Variants in CLPB observed in about 807,000 individuals in gnomAD.
The protein encoded by CLPB is mitochondrial disaggregase.
Under a neutral mutation model 78.4 loss-of-function variants are expected in CLPB, and 40 were observed. The ratio of observed to expected loss-of-function variants is 0.51; its 90% confidence interval spans 0.40 to 0.66. CLPB has a LOEUF of 0.66. Among genes scored for constraint, CLPB ranks in the 30% least tolerant of loss-of-function variants. CLPB has a pLI of 0.00. For missense variants in CLPB, 780 were observed against 886.9 expected, an observed-to-expected ratio of 0.88 and a Z score of 1.53; for synonymous variants, 333 against 348.0, an observed-to-expected ratio of 0.96 and a Z score of 0.48.
intron 3 of CLPB, among the ~76,000 whole-genome samples, chr11:72,381,688 G>C (rs1854919885): frequency 6.6e-6 from 1 of 152,054 alleles, no homozygotes; most frequent in Non-Finnish European, 1.5e-5. Context: ...GCCTACACCA[G>C]CAGACCCAGC....
intron 2 of CLPB, among the ~76,000 whole-genome samples, chr11:72,414,056 T>C (rs182583144): frequency 4.5e-4 from 69 of 152,090 alleles, no homozygotes; most frequent in Non-Finnish European, 7.8e-4. Flanking sequence ...AGAGGCAGAG[T>C]GTGCCAGAAA....
At chr11:72,348,891 A>G (rs1950562375) in intron 5 of CLPB, among the ~76,000 whole-genome samples, 1 of 152,224 alleles carries the variant, frequency 6.6e-6, no homozygotes, top group Non-Finnish European at 1.5e-5. Context: ...AGTACCTCAG[A>G]TCCACATCCT....
At chr11:72,339,053 C>T (rs1228801356) in intron 5 of CLPB, among the ~76,000 whole-genome samples, 1 of 152,174 alleles carries the variant, frequency 6.6e-6, no homozygotes, top group East Asian at 1.9e-4. Flanking sequence ...AAGGAGTTTC[C>T]ACTGGCAGCA....
rs949476841 is a variant in CLPB at position 72,312,423 on chromosome 11, T to C, written c.989-3819A>G. On this transcript the variant is annotated intron_variant, in intron 7 of 15. Transcript: ENST00000538039. The surrounding 1 kb of genome is among the most constrained non-coding windows in gnomAD (Gnocchi z 4.2). ...GGCAGTGTAAGGTGTTTCATCTACC[T>C]GTGCCCTTGTGTCTGGCAGGGAGGG... 1.3e-5 allele frequency among the ~76,000 whole-genome samples: 2 copies of C among 152,234 alleles called. No individual in the cohort carries two copies. Among genetic ancestry groups the C allele is most frequent in the Non-Finnish European group, 2.9e-5 (2 of 68,044 alleles).
chr11:72,362,286 C>T (rs1950854837), intron 4 of CLPB, among the ~76,000 whole-genome samples: 1 of 152,164 alleles, frequency 6.6e-6, no homozygotes, highest in Non-Finnish European at 1.5e-5. Flanking sequence ...TCTCCCAATT[C>T]TAGTATTTAT....
At chr11:72,422,153 C>T (rs1856221534) in intron 2 of CLPB, among the ~76,000 whole-genome samples, 1 of 150,476 alleles carries the variant, frequency 6.6e-6, no homozygotes, top group African/African-American at 2.5e-5. Flanking sequence ...TGTAGTCCAG[C>T]AACTTGGGAG....
intron 2 of CLPB, among the ~76,000 whole-genome samples, chr11:72,404,456 C>G (rs944721768): frequency 6.6e-6 from 1 of 152,362 alleles, no homozygotes. Flanking sequence ...GTAACTAAGG[C>G]TTGAGAGGAT....
At chr11:72,298,355 C>T (rs1565421844) in intron 11 of CLPB, among the ~76,000 whole-genome samples, 1 of 152,220 alleles carries the variant, frequency 6.6e-6, no homozygotes, top group Non-Finnish European at 1.5e-5. Context: ...GCAGCACCGA[C>T]CACAGTGGAC....
chr11:72,428,129 A>G (rs1856440465), intron 2 of CLPB, among the ~76,000 whole-genome samples: 1 of 152,110 alleles, frequency 6.6e-6, no homozygotes, highest in Non-Finnish European at 1.5e-5. Flanking sequence ...CACCATCCCC[A>G]TCCCCCATCT....
chr11:72,376,275 G>T (rs1854695398), intron 4 of CLPB, among the ~76,000 whole-genome samples: 1 of 152,158 alleles, frequency 6.6e-6, no homozygotes, highest in Admixed American at 6.5e-5. Context: ...AGCTGGGTAT[G>T]GTGCCTTGCA....
intron 4 of CLPB, chr11:72,372,777 G>C (rs957432349): frequency 4.4e-6 from 3 of 687,706 alleles, no homozygotes; most frequent in Non-Finnish European, 7.8e-6. Context: ...CCAAGAGCAT[G>C]CATTCTCTCT....
chr11:72,334,146 C>A (rs921783766), intron 5 of CLPB, among the ~76,000 whole-genome samples: 2 of 152,178 alleles, frequency 1.3e-5, no homozygotes, highest in Admixed American at 1.3e-4. Context: ...TGTCAGTGAT[C>A]TATATTTGCT....
At chr11:72,401,274 C>A (rs1234929124) in intron 3 of CLPB, among the ~76,000 whole-genome samples, 1 of 152,010 alleles carries the variant, frequency 6.6e-6, no homozygotes, top group Non-Finnish European at 1.5e-5. Flanking sequence ...CCCATCTCTA[C>A]TAAAAATACA....
At chr11:72,320,323 C>T (rs1950022897) in intron 6 of CLPB, among the ~76,000 whole-genome samples, 1 of 152,162 alleles carries the variant, frequency 6.6e-6, no homozygotes. Context: ...AACTCTTCTT[C>T]AGTGTCATGG....
chr11:72,338,096 G>A (rs182737607), intron 5 of CLPB, among the ~76,000 whole-genome samples: 2 of 152,332 alleles, frequency 1.3e-5, no homozygotes, highest in African/African-American at 4.8e-5. Context: ...TATGGAATCA[G>A]ACTTGTTCTT....
intron 4 of CLPB, among the ~76,000 whole-genome samples, chr11:72,379,762 G>A (rs1854843338): frequency 6.6e-6 from 1 of 152,198 alleles, no homozygotes; most frequent in Admixed American, 6.5e-5. Flanking sequence ...CCAGAGACAG[G>A]ACTGCAATTT....
At chr11:72,389,152 G>A (rs983335051) in intron 3 of CLPB, among the ~76,000 whole-genome samples, 3 of 152,194 alleles carry the variant, frequency 2.0e-5, no homozygotes, top group Admixed American at 1.3e-4. Context: ...GGAGACAATG[G>A]AAATGGAATT....
intron 5 of CLPB, among the ~76,000 whole-genome samples, chr11:72,350,494 C>G (rs541537023): frequency 6.6e-6 from 1 of 152,232 alleles, no homozygotes; most frequent in South Asian, 2.1e-4. Context: ...AGCAATTTAG[C>G]TAATAATTAG....
intron 2 of CLPB, among the ~76,000 whole-genome samples, chr11:72,425,644 A>C (rs891030083): frequency 6.6e-6 from 1 of 152,178 alleles, no homozygotes; most frequent in Non-Finnish European, 1.5e-5. Flanking sequence ...CGGAGAGTCA[A>C]TCAATGTTCT....
Sources: gnomAD v4.1 joint callset for allele counts (sites outside exome capture counted in the v4.1 genomes callset) on GRCh38, gnomAD v4.1.1 for gene constraint, Gnocchi (gnomAD v3.1) non-coding constraint, MANE v1.5 for transcripts, NCBI Gene and HGNC (gene_info 2026-07-23, HGNC 2026-07-21) for gene names.